STON1: variants seen among roughly 807,000 people sequenced by gnomAD.
STON1 encodes the protein stonin-1.
STON1 carries 79 observed loss-of-function variants against 60.9 expected under a neutral mutation model. That is an observed-to-expected ratio of 1.30 (90% CI 1.08 to 1.56). The LOEUF is 1.56. Ranked by LOEUF, STON1 falls within the 40% of genes most tolerant of loss-of-function variation. The pLI is 0.00. For synonymous variants in STON1, 363 were observed against 306.9 expected (o/e 1.18, Z -1.91); for missense variants, 1,166 against 858.9 (o/e 1.36, Z -4.47).
chr2:48,569,549 A>G (rs1673099692), intron 1 of STON1, among the ~76,000 whole-genome samples: 1 of 152,070 alleles, frequency 6.6e-6, no homozygotes, highest in African/African-American at 2.4e-5. Context: ...TATTTGTGTC[A>G]CAGGCATTTG....
chr2:48,531,137 T>TTC (rs1260812231), intron 1 of STON1: 1 of 152,212 alleles, frequency 6.6e-6, no homozygotes. Context: ...AGATAGAAGT[T>TTC]CAGTGTAGCT....
intron 1 of STON1, among the ~76,000 whole-genome samples, chr2:48,537,377 AGAT>A (rs1671471081): frequency 6.6e-6 from 1 of 152,216 alleles, no homozygotes; most frequent in South Asian, 2.1e-4. Context: ...TAACTATATG[AGAT>A]GATCATTTTT....
chr2:48,575,776 G>C (rs928738071), intron 1 of STON1, among the ~76,000 whole-genome samples: 1 of 42,132 alleles, frequency 2.4e-5, no homozygotes, highest in Non-Finnish European at 5.1e-5. Context: ...TTTTTTTTTT[G>C]AGATGCAGTT....
intron 1 of STON1, among the ~76,000 whole-genome samples, chr2:48,546,265 T>G (rs1449420422): frequency 6.6e-6 from 1 of 152,232 alleles, no homozygotes. Flanking sequence ...AATGGCTTCT[T>G]CGACCTCACT....
intron 1 of STON1, among the ~76,000 whole-genome samples, chr2:48,549,808 CTCAAAAA>C (rs1237879300): frequency 1.4e-5 from 1 of 72,950 alleles, no homozygotes; most frequent in African/African-American, 4.8e-5. Flanking sequence ...GTGACTCCAT[CTCAAAAA>C]AAAAAAAAAA....
chr2:48,564,405 G>GTCTTCTTCTTCTTCT (rs1241898892), intron 1 of STON1, among the ~76,000 whole-genome samples: 40 of 82,988 alleles, frequency 4.8e-4, no homozygotes, highest in East Asian at 8.8e-4. Context: ...CAGTGGCGGT[G>GTCTTCTTCTTCTTCT]TCTTCTTCTT....
At chr2:48,584,149 C>T (rs774048275) in intron 2 of STON1, among the ~76,000 whole-genome samples, 12 of 152,200 alleles carry the variant, frequency 7.9e-5, no homozygotes, top group Admixed American at 2.6e-4. Flanking sequence ...TTCCAGATGG[C>T]TCACAGCTGC....
intron 2 of STON1, among the ~76,000 whole-genome samples, chr2:48,588,844 C>G (rs1045311251): frequency 3.3e-5 from 5 of 152,212 alleles, no homozygotes; most frequent in African/African-American, 7.2e-5. Context: ...CTTAGTATTC[C>G]TTTGACAGTG....
intron 1 of STON1, among the ~76,000 whole-genome samples, chr2:48,579,332 G>A (rs371015657): frequency 1.5e-4 from 23 of 148,974 alleles, no homozygotes; most frequent in African/African-American, 5.5e-4. Context: ...TTTTTGAGAC[G>A]GAGTCTCACT....
At chr2:48,585,798 G>T (rs759152753) in intron 2 of STON1, among the ~76,000 whole-genome samples, 2 of 152,248 alleles carry the variant, frequency 1.3e-5, no homozygotes, top group Non-Finnish European at 2.9e-5. Flanking sequence ...TCCTGGATCT[G>T]CAGGTTTCCC....
At position 48,530,226 on chromosome 2, in the gene STON1, C is replaced by T. The variant is rs1043498917; in HGVS notation, c.-48+10C>T. On this transcript the variant is annotated intron_variant, in intron 1 of 3. Coordinates refer to ENST00000404752, the MANE Select transcript of STON1 (RefSeq NM_006873.4). Reference sequence around the variant, plus strand: ...CCCAACCGCGCTGCCGGTGAGTGACCAGCCCCAGGGGACAGAGACGGGAGG... The same window carrying T: ...CCCAACCGCGCTGCCGGTGAGTGACTAGCCCCAGGGGACAGAGACGGGAGG... 2.6e-6 allele frequency: 1 copy of T among 391,828 alleles called. No homozygotes were observed. The highest frequency in any genetic ancestry group is 5.0e-6 in the Non-Finnish European group (1 of 201,970). 24.3% of individuals were successfully genotyped at this position (391,828 alleles called of 1,614,324 possible).
chr2:48,539,656 C>G (rs1254083556), intron 1 of STON1, among the ~76,000 whole-genome samples: 1 of 152,074 alleles, frequency 6.6e-6, no homozygotes, highest in Non-Finnish European at 1.5e-5. Flanking sequence ...GGCATGCCAG[C>G]ACACCAGGCT....
At chr2:48,537,866 A>G (rs1035446833) in intron 1 of STON1, among the ~76,000 whole-genome samples, 3 of 151,806 alleles carry the variant, frequency 2.0e-5, no homozygotes, top group African/African-American at 4.8e-5. Context: ...AAAAAAAGAA[A>G]AAAAAAGGAA....
intron 1 of STON1, among the ~76,000 whole-genome samples, chr2:48,560,585 A>G (rs1009649591): frequency 1.3e-5 from 2 of 152,096 alleles, no homozygotes; most frequent in Non-Finnish European, 2.9e-5. Flanking sequence ...CATTTTTTGG[A>G]GAGTAGGAAG....
At chr2:48,586,189 G>A (rs751469288) in intron 2 of STON1, among the ~76,000 whole-genome samples, 3 of 152,202 alleles carry the variant, frequency 2.0e-5, no homozygotes, top group Non-Finnish European at 4.4e-5. Context: ...AAATGATCCT[G>A]TTTATAATAC....
chr2:48,544,772 C>T (rs1344805265), intron 1 of STON1, among the ~76,000 whole-genome samples: 2 of 152,192 alleles, frequency 1.3e-5, no homozygotes, highest in East Asian at 1.9e-4. Context: ...GTCTTGAACT[C>T]CTGACCTCAA....
At chr2:48,589,644 C>G (rs555319540) in intron 2 of STON1, among the ~76,000 whole-genome samples, 1 of 152,166 alleles carries the variant, frequency 6.6e-6, no homozygotes, top group African/African-American at 2.4e-5. Flanking sequence ...GGTTTTGTTT[C>G]TGACATTTTT....
intron 1 of STON1, among the ~76,000 whole-genome samples, chr2:48,533,516 C>T (rs1422576807): frequency 1.4e-4 from 22 of 151,992 alleles, no homozygotes; most frequent in African/African-American, 5.1e-4. Flanking sequence ...TGATGAAAAC[C>T]TGTCTCTACT....
intron 1 of STON1, among the ~76,000 whole-genome samples, chr2:48,560,594 A>G (rs2293272): frequency 0.34 from 51,008 of 152,014 alleles, 8,722 homozygotes; most frequent in East Asian, 0.4. Context: ...GAGAGTAGGA[A>G]GCCCAGGGGT....
Sources: gnomAD v4.1 joint callset for allele counts (sites outside exome capture counted in the v4.1 genomes callset) on GRCh38, gnomAD v4.1.1 for gene constraint, MANE v1.5 for transcripts, NCBI Gene and HGNC (gene_info 2026-07-23, HGNC 2026-07-21) for gene names.